Variants in MTAP observed in about 807,000 individuals in gnomAD.
The protein encoded by MTAP is S-methyl-5'-thioadenosine phosphorylase.
MTAP carries 33 observed loss-of-function variants against 33.6 expected under a neutral mutation model. That is an observed-to-expected ratio of 0.98 (90% CI 0.74 to 1.31). The LOEUF is 1.31. MTAP is among the 40% of genes most tolerant of loss of function. The probability of loss-of-function intolerance (pLI) is 0.00; values close to 1 mark genes in which losing one functional copy is unlikely to be tolerated. For synonymous variants in MTAP, 148 were observed against 125.7 expected (o/e 1.18, Z -1.19); for missense variants, 367 against 360.0 (o/e 1.02, Z -0.16).
chr9:21,863,079 A>G lies in MTAP; in HGVS notation c.*1065A>G, dbSNP rs187215052. 9.6e-5 allele frequency: 95 copies of G among 985,392 alleles called. 1 individual carries two copies. The Admixed American group carries it at 4.5e-3, about 47-fold the overall frequency. The allele number at this position is 985,392 out of a possible 1,614,324, so 61.0% of individuals were successfully genotyped here. A position where few individuals can be genotyped will look rare whatever the true frequency, so the allele number is the denominator to read the frequency against. On this transcript the variant is annotated 3_prime_UTR_variant, in exon 8 of 8. Transcript: ENST00000644715. ...GATCATTGATTTCTGTACAGTCAGA[A>G]CAGTACTTGGGTTTGCAACAGCTTT...
intron 6 of MTAP, 49 bp downstream of exon 6, chr9:21,854,919 C>A: frequency 6.3e-7 from 1 of 1,597,858 alleles, no homozygotes; most frequent in South Asian, 1.1e-5. Context: ...TTCTGGGTGC[C>A]AATAGGGTGT....
chr9:21,880,651 A>G (rs750519890), intron 1 of MTAP, among the ~76,000 whole-genome samples: 21 of 152,124 alleles, frequency 1.4e-4, no homozygotes, highest in Non-Finnish European at 2.5e-4. Context: ...ATCCTATTAT[A>G]AATATTATAA....
At position 21,820,921 on chromosome 9, in the gene MTAP, CTGTT is replaced by C. The variant is rs766893082; in HGVS notation, c.347+2723_347+2726del. Among the ~76,000 whole-genome samples, 85 of 152,152 alleles carry C rather than the reference CTGTT, an allele frequency of 5.6e-4. 2 individuals carry two copies. The highest frequency in any genetic ancestry group is 1.1e-3 in the Non-Finnish European group (78 of 68,032). On this transcript the variant is annotated intron_variant, in intron 4 of 7. Transcript: ENST00000644715. ...GTGAGTTCACTCAAGATTTGGCTCT[CTGTT>C]TGTCTGTTATTGGTGTATAAGAATG... is the stretch of plus-strand genomic sequence containing the variant.
rs1587261836 is a variant in MTAP, at chr9:21,866,455, A to T, written c.*4441A>T. The T allele has an allele frequency of 6.6e-6, 1 of 152,138 alleles. No individual in the cohort carries two copies. Among genetic ancestry groups the T allele is most frequent in the East Asian group, 1.9e-4 (1 of 5,170 alleles). 9.4% of individuals were successfully genotyped at this position (152,138 alleles called of 1,614,324 possible). ...CCAAGAAATCTTTGCCTACTCATTT[A>T]ATTACCTGTGTGCCCTTGTCAAAAT... On this transcript the variant is annotated 3_prime_UTR_variant, in exon 8 of 8. Transcript: ENST00000644715.
chr9:21,910,834 A>C (rs1454734291), intron 1 of MTAP, among the ~76,000 whole-genome samples: 1 of 151,672 alleles, frequency 6.6e-6, no homozygotes. Context: ...ATTAGCAACC[A>C]CTCTTCAAGT....
chr9:21,852,712 A>T (rs1825546279), intron 5 of MTAP, among the ~76,000 whole-genome samples: 1 of 151,920 alleles, frequency 6.6e-6, no homozygotes, highest in Non-Finnish European at 1.5e-5. Context: ...GAAATGAAAA[A>T]AAAAAAAAAG....
At chr9:21,915,625 T>G (rs1332272815) in intron 1 of MTAP, among the ~76,000 whole-genome samples, 2 of 152,198 alleles carry the variant, frequency 1.3e-5, no homozygotes, top group Non-Finnish European at 2.9e-5. Context: ...AATTTTACTC[T>G]GAGTATACTT....
chr9:21,938,968 C>G (rs936699486), downstream of MTAP, among the ~76,000 whole-genome samples: 2 of 152,174 alleles, frequency 1.3e-5, no homozygotes, highest in Admixed American at 1.3e-4. Flanking sequence ...TTGGCTGTGT[C>G]CCTACTGAAA....
At chr9:21,875,625 T>C (rs747538825) in intron 1 of MTAP, among the ~76,000 whole-genome samples, 1 of 152,146 alleles carries the variant, frequency 6.6e-6, no homozygotes, top group African/African-American at 2.4e-5. Flanking sequence ...CTCCCACTTA[T>C]AAGTGAAAAC....
chr9:21,919,981 C>G (rs894062669), intron 1 of MTAP, among the ~76,000 whole-genome samples: 2 of 152,094 alleles, frequency 1.3e-5, no homozygotes, highest in African/African-American at 4.8e-5. Context: ...GGAGTTATTT[C>G]TAAACAGAAC....
intron 5 of MTAP, among the ~76,000 whole-genome samples, chr9:21,844,792 T>A (rs1294874391): frequency 6.6e-6 from 1 of 152,158 alleles, no homozygotes; most frequent in Non-Finnish European, 1.5e-5. Flanking sequence ...CCCAGCACTT[T>A]GGGAGGCCAA....
At chr9:21,910,120 C>G (rs1373727470) in intron 1 of MTAP, among the ~76,000 whole-genome samples, 2 of 152,096 alleles carry the variant, frequency 1.3e-5, no homozygotes, top group African/African-American at 2.4e-5. Context: ...ATGTAGCAAT[C>G]ACCATTGTAT....
chr9:21,858,069 T>A lies in MTAP; in HGVS notation c.691-1234T>A, dbSNP rs1825676917. On this transcript the variant is annotated intron_variant, in intron 6 of 7. Coordinates refer to ENST00000644715, the MANE Select transcript of MTAP (RefSeq NM_002451.4). ...GGATTTTGTTTGGTTCGGTTTGTGA[T>A]GTTAGCAGCCAATCCATTAATTCAC... 2.0e-5 allele frequency among the ~76,000 whole-genome samples: 3 copies of A among 152,328 alleles called. No homozygotes were observed. In the South Asian group the frequency reaches 6.2e-4, roughly 32 times the overall value.
At chr9:21,839,554 C>T (rs1825192579) in intron 5 of MTAP, among the ~76,000 whole-genome samples, 1 of 152,156 alleles carries the variant, frequency 6.6e-6, no homozygotes, top group East Asian at 1.9e-4. Flanking sequence ...CCAAGTTAGC[C>T]TCCCTTGAAG....
chr9:21,881,587 AT>A (rs1450674761), intron 1 of MTAP, among the ~76,000 whole-genome samples: 1 of 152,032 alleles, frequency 6.6e-6, no homozygotes, highest in Non-Finnish European at 1.5e-5. Context: ...TTGAATAGAC[AT>A]TTTTTCAATG....
At chr9:21,897,824 T>G (rs1326094802) in intron 1 of MTAP, among the ~76,000 whole-genome samples, 1 of 152,082 alleles carries the variant, frequency 6.6e-6, no homozygotes, top group Non-Finnish European at 1.5e-5. Context: ...ATTTATAGAT[T>G]CAATGCCATC....
At chr9:21,931,477 C>T (rs1198717171), downstream of MTAP, 3 of 290,946 alleles carry the variant, frequency 1.0e-5, no homozygotes, top group Non-Finnish European at 1.9e-5. Context: ...GACAATCTCC[C>T]AATAGATAGA....
chr9:21,820,095 C>G (rs1824593964), intron 4 of MTAP, among the ~76,000 whole-genome samples: 1 of 152,136 alleles, frequency 6.6e-6, no homozygotes, highest in Non-Finnish European at 1.5e-5. Context: ...TGTAGGTTGC[C>G]TGTTCACTCT....
intron 5 of MTAP, among the ~76,000 whole-genome samples, chr9:21,845,270 A>T (rs541445471): frequency 3.3e-5 from 5 of 152,180 alleles, no homozygotes; most frequent in Non-Finnish European, 7.3e-5. Flanking sequence ...ATGATCGTAT[A>T]CCTAGAAAAC....
Sources: gnomAD v4.1 joint callset for allele counts (sites outside exome capture counted in the v4.1 genomes callset) on GRCh38, gnomAD v4.1.1 for gene constraint, MANE v1.5 for transcripts, NCBI Gene and HGNC (gene_info 2026-07-23, HGNC 2026-07-21) for gene names.